Variants in FGF7 observed in about 807,000 individuals in gnomAD.
FGF7 encodes the protein FGF-7.
A neutral mutation model predicts 20.5 loss-of-function variants in FGF7; 6 were observed. The observed-to-expected ratio is 0.29, with a 90% CI of 0.16 to 0.58. The LOEUF (loss-of-function observed/expected upper bound fraction) is 0.58. FGF7 is among the 20% of genes least tolerant of loss of function. The probability of loss-of-function intolerance (pLI) is 0.90; values close to 1 mark genes in which losing one functional copy is unlikely to be tolerated. For missense variants in FGF7, 144 were observed against 228.8 expected, an observed-to-expected ratio of 0.63 and a Z score of 2.39; for synonymous variants, 64 against 74.7, an observed-to-expected ratio of 0.86 and a Z score of 0.74.
chr15:49,435,978 G>A (rs1310174114), intron 2 of FGF7, among the ~76,000 whole-genome samples: 1 of 151,384 alleles, frequency 6.6e-6, no homozygotes, highest in Non-Finnish European at 1.5e-5. Context: ...AATTGGTACA[G>A]AGTACTTTAT....
At chr15:49,429,622 A>T (rs1461028778) in intron 2 of FGF7, among the ~76,000 whole-genome samples, 1 of 151,906 alleles carries the variant, frequency 6.6e-6, no homozygotes, top group South Asian at 2.1e-4. Context: ...ACATTTTTCT[A>T]TCTCTCAACC....
At chr15:49,436,808 T>G (rs927925993) in intron 2 of FGF7, among the ~76,000 whole-genome samples, 3 of 151,592 alleles carry the variant, frequency 2.0e-5, no homozygotes, top group African/African-American at 4.8e-5. Context: ...CTGGTGTTAT[T>G]AAAACATCGC....
intron 2 of FGF7, among the ~76,000 whole-genome samples, chr15:49,479,772 C>A (rs2055752149): frequency 6.6e-6 from 1 of 151,898 alleles, no homozygotes; most frequent in Non-Finnish European, 1.5e-5. Flanking sequence ...CACCATCATG[C>A]CTGGCTAATT....
intron 2 of FGF7, among the ~76,000 whole-genome samples, chr15:49,480,597 T>C (rs1033843693): frequency 6.6e-6 from 1 of 151,884 alleles, no homozygotes; most frequent in Non-Finnish European, 1.5e-5. Flanking sequence ...TTCTCCTGCT[T>C]CAGCCTCCTG....
intron 2 of FGF7, among the ~76,000 whole-genome samples, chr15:49,451,463 G>T (rs920682493): frequency 6.6e-6 from 1 of 152,040 alleles, no homozygotes; most frequent in African/African-American, 2.4e-5. Context: ...ATATATGTTT[G>T]CTTAAATCTA....
intron 2 of FGF7, among the ~76,000 whole-genome samples, chr15:49,444,969 T>C (rs1167422581): frequency 6.6e-6 from 1 of 151,604 alleles, no homozygotes; most frequent in African/African-American, 2.4e-5. Context: ...AATATTCATG[T>C]ATTCATATTC....
At chr15:49,458,204 TC>T (rs1367969029) in intron 2 of FGF7, among the ~76,000 whole-genome samples, 2 of 151,954 alleles carry the variant, frequency 1.3e-5, no homozygotes, top group East Asian at 3.8e-4. Context: ...TTTGAAGTGG[TC>T]CTCAAGTACC....
chr15:49,476,232 G>GTTTTT lies in FGF7; in HGVS notation c.287-6910_287-6906dup. ...TTGCTGTTTTGTTTTTTTGTTTTTG[G>GTTTTT]TTTTTTTTTTTTTGCATTTGGCATA... On this transcript the variant is annotated intron_variant, in intron 2 of 3. Coordinates refer to ENST00000267843, the MANE Select transcript of FGF7 (RefSeq NM_002009.4). Among the ~76,000 whole-genome samples the GTTTTT allele has an allele frequency of 5.5e-3, 317 of 57,168 alleles. 22 individuals are homozygous for GTTTTT. The highest frequency in any genetic ancestry group is 6.6e-3 in the African/African-American group (96 of 14,602). 37.5% of individuals were successfully genotyped at this position (57,168 alleles called of 152,430 possible).
In FGF7 at chr15:49,424,376, A is replaced by C. The variant is rs754058875; in HGVS notation, c.79A>C (p.Thr27Pro). The C allele has an allele frequency of 6.2e-7, 1 of 1,613,726 alleles. No individual in the cohort carries two copies. Among genetic ancestry groups the C allele is most frequent in the Non-Finnish European group, 8.5e-7 (1 of 1,179,734 alleles). ...CTTTCACATTATCTGTCTAGTGGGT[A>C]CTATATCTTTAGCTTGCAATGACAT... is the stretch of plus-strand genomic sequence containing the variant. ...SCFHIICLVG[T>P]ISLACNDMTP... The change falls in exon 2 of 4, where the codon ACT becomes CCT. Residue 27 changes from threonine (T) to proline (P), a missense_variant. Physicochemically the swap from Thr to Pro is conservative, Grantham distance 38. Coordinates refer to ENST00000267843, the MANE Select transcript of FGF7 (RefSeq NM_002009.4).
rs1276339029 is a variant in FGF7, at chr15:49,484,716, G to C, written c.*212G>C. On this transcript the variant is annotated 3_prime_UTR_variant, in exon 4 of 4. Transcript: ENST00000267843. ...ATTTGAAAAGTATACACAAAAATCA[G>C]ATTTAGTAACTAAAGGTTGTAAAAA... 68 of 380,438 alleles carry C rather than the reference G, an allele frequency of 1.8e-4. No individual in the cohort carries two copies. Among genetic ancestry groups the C allele is most frequent in the Non-Finnish European group, 9.3e-6 (2 of 214,748 alleles). 23.6% of individuals were successfully genotyped at this position (380,438 alleles called of 1,614,324 possible).
At chr15:49,469,185 T>C (rs962350174) in intron 2 of FGF7, among the ~76,000 whole-genome samples, 4 of 152,206 alleles carry the variant, frequency 2.6e-5, no homozygotes, top group Non-Finnish European at 5.9e-5. Flanking sequence ...TATTTTCTTA[T>C]AAGACATTTG....
intron 2 of FGF7, among the ~76,000 whole-genome samples, chr15:49,427,807 C>T (rs778921069): frequency 6.6e-6 from 1 of 151,850 alleles, no homozygotes; most frequent in Non-Finnish European, 1.5e-5. Context: ...TCTGCTTCCA[C>T]AATGTTTTGG....
intron 2 of FGF7, among the ~76,000 whole-genome samples, chr15:49,439,535 A>G (rs2051434716): frequency 6.6e-6 from 1 of 151,774 alleles, no homozygotes; most frequent in Non-Finnish European, 1.5e-5. Context: ...GCATCTGAAG[A>G]ATTTTTAGTC....
chr15:49,452,515 T>C (rs2052853756), intron 2 of FGF7, among the ~76,000 whole-genome samples: 2 of 152,222 alleles, frequency 1.3e-5, no homozygotes, highest in Non-Finnish European at 2.9e-5. Flanking sequence ...TATTTTCTGG[T>C]TCTTCATAAA....
intron 2 of FGF7, among the ~76,000 whole-genome samples, chr15:49,427,478 A>T (rs1348660275): frequency 6.6e-6 from 1 of 152,026 alleles, no homozygotes; most frequent in South Asian, 2.1e-4. Context: ...TTTTTTCAAC[A>T]GGTTGTCATG....
intron 2 of FGF7, among the ~76,000 whole-genome samples, chr15:49,428,370 A>G (rs2050304814): frequency 1.3e-5 from 2 of 152,022 alleles, no homozygotes; most frequent in African/African-American, 4.8e-5. Flanking sequence ...AATGAAGTAA[A>G]TATTCATTTT....
chr15:49,438,807 T>C (rs1001186851), intron 2 of FGF7, among the ~76,000 whole-genome samples: 25 of 150,630 alleles, frequency 1.7e-4, no homozygotes, highest in African/African-American at 4.9e-4. Context: ...TTACAGTTGT[T>C]AAATGTTACC....
intron 2 of FGF7, among the ~76,000 whole-genome samples, chr15:49,467,248 T>A (rs1432056858): frequency 6.6e-6 from 1 of 152,164 alleles, no homozygotes; most frequent in Non-Finnish European, 1.5e-5. Flanking sequence ...TAGAGGTAGC[T>A]ATGAACAAAA....
intron 2 of FGF7, among the ~76,000 whole-genome samples, chr15:49,467,207 T>C (rs1342572486): frequency 6.6e-6 from 1 of 152,166 alleles, no homozygotes; most frequent in Non-Finnish European, 1.5e-5. Flanking sequence ...CTGAATTAGA[T>C]AAAGTGTAGC....
Sources: gnomAD v4.1 joint callset for allele counts (sites outside exome capture counted in the v4.1 genomes callset) on GRCh38, gnomAD v4.1.1 for gene constraint, MANE v1.5 for transcripts, NCBI Gene and HGNC (gene_info 2026-07-23, HGNC 2026-07-21) for gene names.